MAML3: variants seen among roughly 807,000 people sequenced by gnomAD.
The protein encoded by MAML3 is mastermind-like protein 3.
A neutral mutation model predicts 101.9 loss-of-function variants in MAML3; 27 were observed. The ratio of observed to expected loss-of-function variants is 0.27; its 90% CI spans 0.20 to 0.37. The LOEUF (loss-of-function observed/expected upper bound fraction) is 0.37. Among genes scored for constraint, MAML3 ranks in the 10% least tolerant of loss-of-function variants. The pLI is 1.00. For missense variants in MAML3, 1,316 were observed against 1,444.9 expected (o/e 0.91, Z 1.45); for synonymous variants, 501 against 555.9 (o/e 0.90, Z 1.39).
Position 139,823,251 on chromosome 4 carries a change from A to G in MAML3, c.2079+66106T>C, listed in dbSNP as rs545436899. On this transcript the variant is annotated intron_variant, in intron 2 of 4. Transcript: ENST00000509479. ...CACACAGAAGGTTACGTGATGGACC[A>G]CTGACAAAGGCAGAAAGAAACCCAG... is the stretch of plus-strand genomic sequence containing the variant. Among the ~76,000 whole-genome samples, 7 of 152,336 alleles carry G rather than the reference A, an allele frequency of 4.6e-5. No individual in the cohort carries two copies. The East Asian group carries it at 1.2e-3, about 25-fold the overall frequency.
At chr4:139,752,566 T>C in intron 2 of MAML3, among the ~76,000 whole-genome samples, 1 of 152,230 alleles carries the variant, frequency 6.6e-6, no homozygotes, top group East Asian at 1.9e-4. Flanking sequence ...ATGGGAAGCT[T>C]TGGAAGCCAG....
chr4:139,848,399 G>A (rs1731487771), intron 2 of MAML3, among the ~76,000 whole-genome samples: 1 of 152,194 alleles, frequency 6.6e-6, no homozygotes, highest in Admixed American at 6.5e-5. Flanking sequence ...ATTAATGCGT[G>A]AGATATATGC....
At position 139,889,944 on chromosome 4, in the gene MAML3, G is replaced by T. The variant is rs749545153; in HGVS notation, c.1492C>A (p.Gln498Lys). 6.1e-5 allele frequency: 67 copies of T among 1,091,604 alleles called. 1 individual carries two copies. Among genetic ancestry groups the T allele is most frequent in the Non-Finnish European group, 7.7e-5 (63 of 823,156 alleles). The allele number at this position is 1,091,604 out of a possible 1,614,324, so 67.6% of individuals were successfully genotyped here. A position where few individuals can be genotyped will look rare whatever the true frequency, so the allele number is the denominator to read the frequency against. ...QQQQQQQQQQ[Q>K]QQQQQQQQQQ... Reference sequence around the variant, plus strand: ...TGCTGCTGCTGCTGCTGCTGCTGCTGCTGCTGCTGCTGCTGCTGCTGCTGT... The same window carrying T: ...TGCTGCTGCTGCTGCTGCTGCTGCTTCTGCTGCTGCTGCTGCTGCTGCTGT... Residue 498 changes from glutamine (Q) to lysine (K), a missense_variant, in exon 2 of 5, where the codon CAG becomes AAG. Coordinates refer to ENST00000509479, the MANE Select transcript of MAML3 (RefSeq NM_018717.5).
chr4:140,153,633 C>T lies in MAML3; in HGVS notation c.-306G>A. 1 of 363,296 alleles carries T rather than the reference C, an allele frequency of 2.8e-6. No homozygotes were observed. 22.5% of individuals were successfully genotyped at this position (363,296 alleles called of 1,614,324 possible). On this transcript the variant is annotated 5_prime_UTR_variant, in exon 1 of 5. Coordinates refer to ENST00000509479, the MANE Select transcript of MAML3 (RefSeq NM_018717.5). ...ACTGAGCCAGCAGCAAATCGGGTTG[C>T]AACTCAAGGGGAGATCCGCTCCTTG... is the stretch of plus-strand genomic sequence containing the variant.
At position 140,125,238 on chromosome 4, in the gene MAML3, G is replaced by A. The variant is rs532335943; in HGVS notation, c.468+27622C>T. On this transcript the variant is annotated intron_variant, in intron 1 of 4. Coordinates refer to ENST00000509479, the MANE Select transcript of MAML3 (RefSeq NM_018717.5). ...TTTAAAATAAAAGCTACTCAAATGT[G>A]TATAATATGAAACAATGAAGAATTC... Among the ~76,000 whole-genome samples the A allele has an allele frequency of 8.5e-5, 13 of 152,202 alleles. 1 individual carries two copies. In the South Asian group the frequency reaches 2.7e-3, roughly 32 times the overall value.
At chr4:139,855,138 G>C (rs1182166080) in intron 2 of MAML3, among the ~76,000 whole-genome samples, 1 of 152,186 alleles carries the variant, frequency 6.6e-6, no homozygotes, top group Admixed American at 6.5e-5. Flanking sequence ...CAGTTTCTAG[G>C]AGATTCATCA....
intron 1 of MAML3, among the ~76,000 whole-genome samples, chr4:139,959,651 G>C (rs1351927154): frequency 6.6e-6 from 1 of 152,186 alleles, no homozygotes; most frequent in Non-Finnish European, 1.5e-5. Flanking sequence ...GAAGTGAACA[G>C]CTTACCTATA....
chr4:139,902,665 G>T (rs111380641), intron 1 of MAML3, among the ~76,000 whole-genome samples: 1 of 152,126 alleles, frequency 6.6e-6, no homozygotes, highest in Admixed American at 6.5e-5. Context: ...GCAGAGCTCT[G>T]GAGCCTGGCG....
In MAML3 at chr4:139,971,582, C is replaced by T. The variant is rs1360698111; in HGVS notation, c.469-80615G>A. ...TCCTCAACCCCTAATGACTTATTTC[C>T]CTCTTAAGGAGTGATTTTTGCATTA... On this transcript the variant is annotated intron_variant, in intron 1 of 4. Transcript: ENST00000509479. Among the ~76,000 whole-genome samples the T allele has an allele frequency of 3.3e-5, 5 of 152,074 alleles. No homozygotes were observed. In the East Asian group the frequency reaches 7.7e-4, roughly 23 times the overall value.
chr4:139,821,774 T>G (rs1730977582), intron 2 of MAML3, among the ~76,000 whole-genome samples: 1 of 152,254 alleles, frequency 6.6e-6, no homozygotes, highest in Admixed American at 6.5e-5. Flanking sequence ...CCAATTTTTA[T>G]CATTTACATA....
intron 1 of MAML3, among the ~76,000 whole-genome samples, chr4:140,076,484 T>C (rs895319367): frequency 4.6e-5 from 7 of 152,182 alleles, no homozygotes; most frequent in Non-Finnish European, 1.0e-4. Flanking sequence ...AAAACTCTCC[T>C]CCATCCTGTA....
intron 1 of MAML3, among the ~76,000 whole-genome samples, chr4:140,044,736 T>C (rs1280505929): frequency 6.6e-6 from 1 of 152,200 alleles, no homozygotes; most frequent in Non-Finnish European, 1.5e-5. Flanking sequence ...CCTGGACATG[T>C]GTGAACTGAC....
intron 2 of MAML3, among the ~76,000 whole-genome samples, chr4:139,812,462 T>G (rs560388762): frequency 6.6e-6 from 1 of 152,308 alleles, no homozygotes; most frequent in African/African-American, 2.4e-5. Context: ...GGTTTTACTC[T>G]TTGAAAAAGT....
At chr4:139,868,120 A>C (rs183337563) in intron 2 of MAML3, among the ~76,000 whole-genome samples, 3 of 152,364 alleles carry the variant, frequency 2.0e-5, no homozygotes, top group Non-Finnish European at 1.5e-5. Context: ...GTATACATGT[A>C]AAACAGCCAC....
intron 2 of MAML3, among the ~76,000 whole-genome samples, chr4:139,768,119 A>G (rs1729900349): frequency 6.6e-6 from 1 of 151,914 alleles, no homozygotes; most frequent in Non-Finnish European, 1.5e-5. Flanking sequence ...TGTCTTGATG[A>G]TTTAAGTTCC....
chr4:140,091,532 C>CAAAAAAAAAA (rs1218380120), intron 1 of MAML3, among the ~76,000 whole-genome samples: 2 of 12,080 alleles, frequency 1.7e-4, no homozygotes, highest in Non-Finnish European at 9.5e-4. Flanking sequence ...AACAAAACAA[C>CAAAAAAAAAA]AAAACAAAAA....
rs767177886 is a variant in MAML3, at chr4:139,902,901, C to T, written c.469-11934G>A. On this transcript the variant is annotated intron_variant, in intron 1 of 4. Coordinates refer to ENST00000509479, the MANE Select transcript of MAML3 (RefSeq NM_018717.5). ...TGGACCCTTTAGTGCCCCTTTAAGA[C>T]GTGGCAGCCTAAAACCTCTGTGTCC... Among the ~76,000 whole-genome samples the T allele has an allele frequency of 8.5e-5, 13 of 152,322 alleles. No homozygotes were observed. The South Asian group carries it at 1.7e-3, about 19-fold the overall frequency.
At chr4:140,031,879 T>C (rs552947899) in intron 1 of MAML3, among the ~76,000 whole-genome samples, 154 of 152,322 alleles carry the variant, frequency 1.0e-3, no homozygotes, top group Non-Finnish European at 1.6e-3. Flanking sequence ...TATGCTCAAA[T>C]TCTCCTACGT....
intron 2 of MAML3, among the ~76,000 whole-genome samples, chr4:139,825,861 A>C (rs1196991516): frequency 6.6e-6 from 1 of 152,142 alleles, no homozygotes; most frequent in African/African-American, 2.4e-5. Flanking sequence ...ATAACCAGTC[A>C]GATGTGAAGG....
Sources: allele counts gnomAD v4.1 joint callset (sites outside exome capture counted in the v4.1 genomes callset), GRCh38; gene constraint gnomAD v4.1.1; transcripts MANE v1.5; gene names NCBI Gene and HGNC (gene_info 2026-07-23, HGNC 2026-07-21).